AQP7: variants seen among roughly 807,000 people sequenced by gnomAD.
AQP7 encodes aquaporin 7, also known as aquaporin-7.
Under a neutral mutation model 26.1 loss-of-function variants are expected in AQP7, and 22 were observed. The observed-to-expected ratio is 0.84, with a 90% CI of 0.60 to 1.20. The LOEUF (loss-of-function observed/expected upper bound fraction) is 1.20, where lower values mean the gene tolerates loss of function less well. AQP7 is among the 50% of genes most tolerant of loss of function. The pLI, the probability that AQP7 is intolerant of heterozygous loss-of-function variation, is 0.00. For missense variants in AQP7, 412 were observed against 457.5 expected (o/e 0.90, Z 0.91); for synonymous variants, 167 against 181.7 (o/e 0.92, Z 0.65).
At chr9:33,394,328 G>A (rs1245962938) in intron 3 of AQP7, 10 of 152,012 alleles carry the variant, frequency 6.6e-5, no homozygotes, top group Admixed American at 1.3e-4. Context: ...TGCCAGCCTT[G>A]CCTGTTCTGC....
intron 2 of AQP7, 112 bp downstream of exon 2, chr9:33,401,125 G>A (rs534660679): frequency 1.5e-5 from 18 of 1,236,154 alleles, no homozygotes; most frequent in South Asian, 5.2e-5. Context: ...GGAGGAGGTC[G>A]AGTGGGGACA....
At chr9:33,386,692 G>A (rs985548879) in intron 4 of AQP7, 151 bp from the exon 5 acceptor site, 39 of 1,177,238 alleles carry the variant, frequency 3.3e-5, no homozygotes, top group Non-Finnish European at 4.3e-5. Flanking sequence ...GTGAGGCAGG[G>A]GCCACCATCT....
intron 3 of AQP7, among the ~76,000 whole-genome samples, chr9:33,388,632 C>G (rs1440060381): frequency 6.6e-6 from 1 of 152,164 alleles, no homozygotes; most frequent in Non-Finnish European, 1.5e-5. Context: ...TACTGATCAC[C>G]TCCTTTAACC....
chr9:33,396,673 G>C (rs1000260940), intron 2 of AQP7, among the ~76,000 whole-genome samples: 4 of 143,710 alleles, frequency 2.8e-5, no homozygotes, highest in African/African-American at 5.2e-5. Context: ...TTACCCACCA[G>C]CCTTCTTTTC....
At chr9:33,391,467 G>GT in intron 3 of AQP7, 1 of 334,568 alleles carries the variant, frequency 3.0e-6, no homozygotes, top group Non-Finnish European at 6.6e-6. Flanking sequence ...TGTATGGCTG[G>GT]TTTTCCAGGG....
At chr9:33,399,633 A>G (rs939359348) in intron 2 of AQP7, among the ~76,000 whole-genome samples, 2 of 151,958 alleles carry the variant, frequency 1.3e-5, no homozygotes, top group Non-Finnish European at 2.9e-5. Flanking sequence ...TTGAGCATCT[A>G]CTTATGAGTC....
chr9:33,396,124 G>T (rs1303979084), intron 2 of AQP7, among the ~76,000 whole-genome samples: 2 of 152,080 alleles, frequency 1.3e-5, no homozygotes, highest in Non-Finnish European at 2.9e-5. Flanking sequence ...AAGGTGGCGG[G>T]GTGGGCCTGG....
At chr9:33,386,836 G>A in intron 4 of AQP7, 133 bp downstream of exon 4, 1 of 1,345,314 alleles carries the variant, frequency 7.4e-7, no homozygotes, top group Non-Finnish European at 1.0e-6. Context: ...GGGTTCAGAG[G>A]AGACTTCCTC....
At chr9:33,386,321 A>T in intron 5 of AQP7, 83 bp downstream of exon 5, 1 of 1,597,994 alleles carries the variant, frequency 6.3e-7, no homozygotes, top group Non-Finnish European at 8.5e-7. Flanking sequence ...ATTTTTTACA[A>T]ATCAGGACAC....
rs577687014 is a variant in AQP7 at position 33,401,751 on chromosome 9, A to C, written c.-25-464T>G. On this transcript the variant is annotated intron_variant, in intron 1 of 7. Transcript: ENST00000297988. ...ACACAGGATGAGGCCCTGAAAACTC[A>C]TTTCACCCGTGTACCTCACCCAAAA... The C allele has an allele frequency of 3.0e-3, 521 of 172,528 alleles. 2 individuals are homozygous for C. The highest frequency in any genetic ancestry group is 0.012 in the African/African-American group (493 of 42,550). 10.7% of individuals were successfully genotyped at this position (172,528 alleles called of 1,614,324 possible).
rs1007135760 is a variant in AQP7, at chr9:33,386,916, C to T, written c.268+53G>A. Reference sequence around the variant, plus strand: ...GCTGGCTGAGGCGGGCAGGAAAGAGCCTGTTGGGGACACCTGGTCTTGCCC... The same window carrying T: ...GCTGGCTGAGGCGGGCAGGAAAGAGTCTGTTGGGGACACCTGGTCTTGCCC... On this transcript the variant is annotated intron_variant, in intron 4 of 7. Transcript: ENST00000297988. 3.2e-5 allele frequency: 51 copies of T among 1,605,618 alleles called. No individual in the cohort carries two copies. In the African/African-American group the frequency reaches 6.2e-4, roughly 19 times the overall value.
chr9:33,385,965 C>T (rs1248099492), intron 6 of AQP7, 99 bp from the exon 7 acceptor site: 40 of 1,562,928 alleles, frequency 2.6e-5, no homozygotes, highest in Non-Finnish European at 3.3e-5. Context: ...AGACACGTCT[C>T]GGTACAGTCT....
intron 7 of AQP7, 22 bp downstream of exon 7, chr9:33,385,627 T>C: frequency 6.2e-7 from 1 of 1,611,646 alleles, no homozygotes; most frequent in Non-Finnish European, 8.5e-7. Context: ...CTCAAAGGAA[T>C]GGGCCTGGGC....
intron 2 of AQP7, among the ~76,000 whole-genome samples, chr9:33,398,537 G>T (rs903328442): frequency 6.6e-6 from 1 of 152,372 alleles, no homozygotes; most frequent in South Asian, 2.1e-4. Context: ...AAGCTGACAG[G>T]CTTGGTGTTT....
chr9:33,390,439 C>T (rs551734418), intron 3 of AQP7, among the ~76,000 whole-genome samples: 1 of 151,784 alleles, frequency 6.6e-6, no homozygotes, highest in South Asian at 2.1e-4. Flanking sequence ...ATTATTTTAC[C>T]TGTCAAGCAG....
chr9:33,385,810 G>A lies in AQP7; in HGVS notation c.582C>T (p.Asn194=). The A allele has an allele frequency of 1.2e-6, 2 of 1,612,874 alleles. No homozygotes were observed. The highest frequency in any genetic ancestry group is 1.7e-6 in the Non-Finnish European group (2 of 1,179,910). The part of the protein sequence containing the change: ...LCLFAITDQE[N]NPALPGTEAL... ...CCTCTGTTCCTGGCAGTGCTGGGTT[G>A]TTCTCCTGGTCCGTGATGGCGAAGA... The change falls in exon 7 of 8, where the codon AAC becomes AAT. Residue 194 remains asparagine, a synonymous_variant. Coordinates refer to ENST00000297988, the MANE Select transcript of AQP7 (RefSeq NM_001170.3).
chr9:33,400,615 C>T lies in AQP7; in HGVS notation c.26+622G>A, dbSNP rs72504015. On this transcript the variant is annotated intron_variant, in intron 2 of 7. Coordinates refer to ENST00000297988, the MANE Select transcript of AQP7 (RefSeq NM_001170.3). ...TGGCGAACATGGCGAAACCCCATTT[C>T]TACTAAAAATACCAAAATAATAATA... Among the ~76,000 whole-genome samples, 25 of 152,202 alleles carry T rather than the reference C, an allele frequency of 1.6e-4. No individual in the cohort carries two copies. In the East Asian group the frequency reaches 4.4e-3, roughly 27 times the overall value.
chr9:33,395,504 C>T (rs1450052055), intron 2 of AQP7: 5 of 352,174 alleles, frequency 1.4e-5, no homozygotes, highest in Non-Finnish European at 2.7e-5. Context: ...TCCACGGTGC[C>T]AACAAGCCTC....
chr9:33,393,594 A>G (rs1405467636), intron 3 of AQP7, among the ~76,000 whole-genome samples: 1 of 152,180 alleles, frequency 6.6e-6, no homozygotes, highest in Non-Finnish European at 1.5e-5. Context: ...CCTGCATAAG[A>G]TGCAATAAAC....
Sources: allele counts gnomAD v4.1 joint callset (sites outside exome capture counted in the v4.1 genomes callset), GRCh38; gene constraint gnomAD v4.1.1; transcripts MANE v1.5; gene names NCBI Gene and HGNC (gene_info 2026-07-23, HGNC 2026-07-21).